Variants in USP49 observed in about 807,000 individuals in gnomAD.
The protein encoded by USP49 is ubiquitin carboxyl-terminal hydrolase 49.
In USP49, 24 loss-of-function variants were observed where a neutral mutation model predicts 58.6. The ratio of observed to expected loss-of-function variants is 0.41; its 90% CI spans 0.30 to 0.58. USP49 has a LOEUF of 0.58. Among genes scored for constraint, USP49 ranks in the 20% least tolerant of loss-of-function variants. The pLI, the probability that USP49 is intolerant of heterozygous loss-of-function variation, is 0.30. For missense variants in USP49, 703 were observed against 866.1 expected, an observed-to-expected ratio of 0.81 and a Z score of 2.36; for synonymous variants, 408 against 365.1, an observed-to-expected ratio of 1.12 and a Z score of -1.34.
At chr6:41,807,942 A>AT (rs1373979801) in intron 3 of USP49, among the ~76,000 whole-genome samples, 3 of 149,758 alleles carry the variant, frequency 2.0e-5, no homozygotes, top group African/African-American at 7.4e-5. Flanking sequence ...CACCCGGCTA[A>AT]TTTTTTTGTA....
intron 3 of USP49, among the ~76,000 whole-genome samples, chr6:41,840,876 GGC>G (rs1189116513): frequency 6.6e-6 from 1 of 151,916 alleles, no homozygotes; most frequent in African/African-American, 2.4e-5. Flanking sequence ...ATATTGGCCT[GGC>G]AGAGTGGTGC....
chr6:41,853,999 C>CAAA lies in USP49; in HGVS notation c.-29+17564_-29+17565insTTT, dbSNP rs752353657. ...GGGCAACAACAGCGAGACTCTGTCT[C>CAAA]GAAAAAAAAAAAAAAAAAAAAAAAG... On this transcript the variant is annotated intron_variant, in intron 3 of 7. Transcript: ENST00000682992. Among the ~76,000 whole-genome samples, 463 of 58,716 alleles carry CAAA rather than the reference C, an allele frequency of 7.9e-3. 77 individuals are homozygous for CAAA. The highest frequency in any genetic ancestry group is 0.067 in the East Asian group (123 of 1,832). The allele number at this position is 58,716 out of a possible 152,430, so 38.5% of individuals were successfully genotyped here.
At chr6:41,802,087 A>G (rs1773009026) in intron 5 of USP49, among the ~76,000 whole-genome samples, 1 of 152,178 alleles carries the variant, frequency 6.6e-6, no homozygotes, top group African/African-American at 2.4e-5. Context: ...CTGTATCTCA[A>G]AATGGAACAG....
At chr6:41,849,539 T>G (rs138457968) in intron 3 of USP49, among the ~76,000 whole-genome samples, 2,676 of 152,166 alleles carry the variant, frequency 0.018, 76 homozygotes, top group African/African-American at 0.059. Context: ...GAAAGACCAA[T>G]GTTAGGCCAC....
At chr6:41,802,668 C>T (rs1773041969) in intron 5 of USP49, among the ~76,000 whole-genome samples, 2 of 151,394 alleles carry the variant, frequency 1.3e-5, no homozygotes, top group African/African-American at 4.9e-5. Context: ...GGTCTCTGCA[C>T]AGTCCATTAA....
chr6:41,806,049 G>A lies in USP49; in HGVS notation c.935C>T (p.Ala312Val), dbSNP rs1187583988. Residue 312 changes from alanine to valine, a missense_variant, in exon 4 of 8, where the codon GCC (alanine) becomes GTC (valine). Coordinates refer to ENST00000682992, the MANE Select transcript of USP49 (RefSeq NM_001286554.2). The surrounding 1 kb of genome is among the most constrained non-coding windows in gnomAD (Gnocchi z 5.9). The part of the protein sequence containing the change: ...QLSGKPTNSS[A>V]TELSLRNDRA... ...GTCATTTCTCAAGGACAGCTCCGTG[G>A]CCGAGCTGTTGGTTGGCTTGCCAGA... 6.2e-7 allele frequency: 1 copy of A among 1,614,042 alleles called. No homozygotes were observed. The highest frequency in any genetic ancestry group is 1.7e-5 in the Admixed American group (1 of 60,028).
At chr6:41,870,462 A>G (rs1042844210) in intron 3 of USP49, among the ~76,000 whole-genome samples, 15 of 152,230 alleles carry the variant, frequency 9.9e-5, no homozygotes, top group Admixed American at 5.9e-4. Context: ...AATTATTGAC[A>G]TGAATGTATA....
Position 41,824,076 on chromosome 6 carries a change from C to T in USP49, c.-28-17065G>A, listed in dbSNP as rs1400354171. Among the ~76,000 whole-genome samples the T allele has an allele frequency of 2.0e-5, 3 of 152,238 alleles. No homozygotes were observed. The East Asian group carries it at 5.8e-4, about 29-fold the overall frequency. ...TACTCTGAAAGTAGTTAAACCTAATCAAAATACTGGCTGACTTGGCCAGCC... is the reference window on the plus strand; with the variant it reads ...TACTCTGAAAGTAGTTAAACCTAATTAAAATACTGGCTGACTTGGCCAGCC... On this transcript the variant is annotated intron_variant, in intron 3 of 7. Transcript: ENST00000682992.
chr6:41,832,653 G>C (rs776522347), intron 3 of USP49, among the ~76,000 whole-genome samples: 2 of 152,134 alleles, frequency 1.3e-5, no homozygotes, highest in Non-Finnish European at 2.9e-5. Context: ...GTCCATGAAA[G>C]GGTATTTTTG....
chr6:41,889,180 G>T (rs150827906), intron 2 of USP49, among the ~76,000 whole-genome samples: 1 of 151,920 alleles, frequency 6.6e-6, no homozygotes, highest in South Asian at 2.1e-4. Flanking sequence ...TTACCGGCAC[G>T]TGCCACCACG....
chr6:41,861,843 T>C (rs1168373193), intron 3 of USP49, among the ~76,000 whole-genome samples: 1 of 151,790 alleles, frequency 6.6e-6, no homozygotes, highest in Non-Finnish European at 1.5e-5. Flanking sequence ...GGATTACAGG[T>C]GCACACCACC....
At chr6:41,858,119 C>T (rs554066972) in intron 3 of USP49, among the ~76,000 whole-genome samples, 60 of 152,228 alleles carry the variant, frequency 3.9e-4, no homozygotes, top group African/African-American at 1.4e-3. Context: ...ATTGCTGCCC[C>T]ATCATTCAGG....
At chr6:41,855,194 T>C (rs1774104761) in intron 3 of USP49, among the ~76,000 whole-genome samples, 1 of 152,056 alleles carries the variant, frequency 6.6e-6, no homozygotes, top group South Asian at 2.1e-4. Flanking sequence ...TTTTTTTTTT[T>C]TGGCATAGTA....
chr6:41,824,090 A>G (rs1326375626), intron 3 of USP49, among the ~76,000 whole-genome samples: 1 of 152,156 alleles, frequency 6.6e-6, no homozygotes, highest in Non-Finnish European at 1.5e-5. Flanking sequence ...ATACTGGCTG[A>G]CTTGGCCAGC....
At chr6:41,829,657 T>TA (rs1402263052) in intron 3 of USP49, among the ~76,000 whole-genome samples, 10 of 152,202 alleles carry the variant, frequency 6.6e-5, no homozygotes, top group Admixed American at 6.5e-4. Context: ...TCTTCAAATA[T>TA]AGACAGCTTG....
intron 3 of USP49, among the ~76,000 whole-genome samples, chr6:41,854,939 A>G (rs1165752724): frequency 1.3e-5 from 2 of 151,852 alleles, no homozygotes; most frequent in African/African-American, 4.8e-5. Flanking sequence ...TGCCTGGCTA[A>G]TTTTTATATT....
chr6:41,870,729 T>C (rs1774399910), intron 3 of USP49, among the ~76,000 whole-genome samples: 1 of 146,572 alleles, frequency 6.8e-6, no homozygotes, highest in Non-Finnish European at 1.5e-5. Context: ...TCTTGCTATA[T>C]TGCCCAGGCT....
At chr6:41,808,956 C>T (rs1214301814) in intron 3 of USP49, among the ~76,000 whole-genome samples, 1 of 151,888 alleles carries the variant, frequency 6.6e-6, no homozygotes, top group Non-Finnish European at 1.5e-5. Flanking sequence ...CTCTGTCACC[C>T]AGCCTGGAGT....
intron 3 of USP49, among the ~76,000 whole-genome samples, chr6:41,845,183 G>C (rs888509010): frequency 6.6e-6 from 1 of 152,142 alleles, no homozygotes; most frequent in Non-Finnish European, 1.5e-5. Context: ...TAAGAGGTGT[G>C]AGCCACCGCG....
Sources: gnomAD v4.1 joint callset for allele counts (sites outside exome capture counted in the v4.1 genomes callset) on GRCh38, gnomAD v4.1.1 for gene constraint, Gnocchi (gnomAD v3.1) non-coding constraint, MANE v1.5 for transcripts, NCBI Gene and HGNC (gene_info 2026-07-23, HGNC 2026-07-21) for gene names.